The following ZNG1F variants were observed in gnomAD, a reference collection of about 807,000 sequenced individuals.
ZNG1F encodes zinc-regulated GTPase metalloprotein activator 1F.
the ZNG1F span, chr9:41,183,700 G>C: frequency 6.2e-7 from 1 of 1,606,096 alleles, no homozygotes; most frequent in South Asian, 1.1e-5. Context: ...AAACTCTTTA[G>C]CTTATGTCCA....
At chr9:41,137,286 G>T in the ZNG1F span, among the ~76,000 whole-genome samples, 11 of 148,508 alleles carry the variant, frequency 7.4e-5, no homozygotes, top group Admixed American at 2.7e-4. Flanking sequence ...GGTTTTGAAG[G>T]TTCCTTTTGG....
At chr9:41,159,085 A>C in the ZNG1F span, among the ~76,000 whole-genome samples, 1 of 149,582 alleles carries the variant, frequency 6.7e-6, no homozygotes, top group Non-Finnish European at 1.5e-5. Flanking sequence ...GCTTAAGACC[A>C]AGGACAGGAA....
the ZNG1F span, chr9:41,132,050 A>T: frequency 6.9e-7 from 1 of 1,451,262 alleles, no homozygotes; most frequent in Admixed American, 2.6e-5. Context: ...TTGAAGAAGA[A>T]CAAAAGTCCT....
At chr9:41,131,961 A>T in the ZNG1F span, 8 of 514,348 alleles carry the variant, frequency 1.6e-5, 1 homozygote, top group Non-Finnish European at 2.8e-5. Flanking sequence ...AAGAATAGTA[A>T]TTGAGTGATT....
At chr9:41,149,887 CTTCCCTCCCTTACCAAAAAGA>C in the ZNG1F span, among the ~76,000 whole-genome samples, 4 of 151,078 alleles carry the variant, frequency 2.6e-5, no homozygotes, top group Non-Finnish European at 5.9e-5. Context: ...ACTAATCTTT[CTTCCCTCCCTTACCAAAAAGA>C]TTCCCCACAG....
the ZNG1F span, among the ~76,000 whole-genome samples, chr9:41,166,449 T>TAC: frequency 1.9e-4 from 3 of 15,568 alleles, no homozygotes; most frequent in African/African-American, 4.1e-4. Flanking sequence ...ATTATACATA[T>TAC]ATATATATAT....
chr9:41,193,511 C>T, the ZNG1F span, among the ~76,000 whole-genome samples: 10 of 149,360 alleles, frequency 6.7e-5, 1 homozygote, highest in East Asian at 7.9e-4. Context: ...TTTTTTTCTT[C>T]TCCTGAAGAC....
chr9:41,155,003 TG>T, the ZNG1F span, among the ~76,000 whole-genome samples: 1 of 150,602 alleles, frequency 6.6e-6, no homozygotes, highest in African/African-American at 2.4e-5. Context: ...AATTGACAGA[TG>T]GGATCTAATT....
At chr9:41,135,112 A>C in the ZNG1F span, among the ~76,000 whole-genome samples, 1 of 36,992 alleles carries the variant, frequency 2.7e-5, no homozygotes, top group African/African-American at 6.0e-5. Context: ...TCCATTCCTG[A>C]GTTCTTTCAC....
At chr9:41,195,570 G>T in the ZNG1F span, among the ~76,000 whole-genome samples, 1 of 143,092 alleles carries the variant, frequency 7.0e-6, no homozygotes, top group Non-Finnish European at 1.5e-5. Flanking sequence ...TTACAGTTGA[G>T]TCACTTGTAA....
chr9:41,183,788 A>G, the ZNG1F span: 4 of 1,516,472 alleles, frequency 2.6e-6, no homozygotes, highest in Middle Eastern at 4.1e-4. Context: ...TATAACTTAT[A>G]TTCTTTCACT....
the ZNG1F span, chr9:41,132,647 A>T: frequency 1.7e-6 from 1 of 583,724 alleles, no homozygotes; most frequent in South Asian, 2.5e-5. Context: ...ATTTATCACA[A>T]CCAAAACCTG....
At chr9:41,203,314 C>G in the ZNG1F span, among the ~76,000 whole-genome samples, 1 of 152,178 alleles carries the variant, frequency 6.6e-6, no homozygotes, top group East Asian at 1.9e-4. Flanking sequence ...ATCCATTATT[C>G]TTTTTCAAAA....
At chr9:41,150,947 T>A in the ZNG1F span, among the ~76,000 whole-genome samples, 1 of 148,924 alleles carries the variant, frequency 6.7e-6, no homozygotes, top group Non-Finnish European at 1.5e-5. Context: ...GCAGTGCCTC[T>A]CCTCCTCCAA....
At chr9:41,200,909 G>A in the ZNG1F span, among the ~76,000 whole-genome samples, 97 of 149,678 alleles carry the variant, frequency 6.5e-4, no homozygotes, top group African/African-American at 2.0e-3. Flanking sequence ...ACCTCCCACC[G>A]GGTCCCCCCA....
chr9:41,141,023 C>G, the ZNG1F span, among the ~76,000 whole-genome samples: 1 of 151,548 alleles, frequency 6.6e-6, no homozygotes, highest in South Asian at 2.1e-4. Flanking sequence ...CCACCACACC[C>G]AGCCTAAAGA....
the ZNG1F span, among the ~76,000 whole-genome samples, chr9:41,149,843 TA>T: frequency 6.7e-6 from 1 of 148,278 alleles, no homozygotes; most frequent in Non-Finnish European, 1.5e-5. Context: ...CTTACTACAA[TA>T]AAAAAAGAAA....
the ZNG1F span, among the ~76,000 whole-genome samples, chr9:41,175,275 A>C: frequency 6.9e-6 from 1 of 143,988 alleles, no homozygotes; most frequent in Non-Finnish European, 1.5e-5. Context: ...ACAAGATCTA[A>C]TGGTTTCCTG....
At chr9:41,139,537 G>A in the ZNG1F span, among the ~76,000 whole-genome samples, 6 of 149,356 alleles carry the variant, frequency 4.0e-5, no homozygotes, top group African/African-American at 9.9e-5. Flanking sequence ...GCTCTAGAAC[G>A]CCCAAAAACA....
Sources: gnomAD v4.1 joint callset for allele counts (sites outside exome capture counted in the v4.1 genomes callset) on GRCh38, gnomAD v4.1.1 for gene constraint, MANE v1.5 for transcripts, NCBI Gene and HGNC (gene_info 2026-07-23, HGNC 2026-07-21) for gene names.